The following STAT3 variants were observed in gnomAD, a reference collection of about 807,000 sequenced individuals.
STAT3 encodes DNA-binding protein APRF.
A neutral mutation model predicts 114.3 loss-of-function variants in STAT3; 7 were observed. That is an observed-to-expected ratio of 0.06 (90% CI 0.03 to 0.11). The LOEUF is 0.11. Ranked by LOEUF, STAT3 falls within the 10% of genes least tolerant of loss-of-function variation. The pLI, the probability that STAT3 is intolerant of heterozygous loss-of-function variation, is 1.00. For synonymous variants in STAT3, 331 were observed against 354.5 expected (o/e 0.93, Z 0.74); for missense variants, 364 against 960.9 (o/e 0.38, Z 8.21).
At position 42,378,947 on chromosome 17, in the gene STAT3, G is replaced by A. The variant is rs143525561; in HGVS notation, c.-24+9332C>T. Among the ~76,000 whole-genome samples, 660 of 152,304 alleles carry A rather than the reference G, an allele frequency of 4.3e-3. 2 individuals are homozygous for A. The highest frequency in any genetic ancestry group is 0.015 in the African/African-American group (630 of 41,562). On this transcript the variant is annotated intron_variant, in intron 1 of 23. Transcript: ENST00000264657. ...TTAGGAAGCTTTCACCGAAGCAGGT[G>A]CTCAAGTTCAGACTCAAATCTTCCA... is the stretch of plus-strand genomic sequence containing the variant.
In STAT3 at chr17:42,324,895, T is replaced by C. The variant is rs1446023550; in HGVS notation, c.1465-49A>G. On this transcript the variant is annotated intron_variant, in intron 16 of 23. Transcript: ENST00000264657. The surrounding 1 kb of genome is among the most constrained non-coding windows in gnomAD (Gnocchi z 4.5). ...TGTTTAGATGAGGGATGGTGCTCAT[T>C]GTCTATACTAGGTACCCCTAAGTCG... 1.9e-6 allele frequency: 3 copies of C among 1,614,146 alleles called. No homozygotes were observed. The highest frequency in any genetic ancestry group is 1.3e-5 in the African/African-American group (1 of 75,030).
chr17:42,345,521 C>A, intron 4 of STAT3, 38 bp downstream of exon 4: 1 of 1,540,880 alleles, frequency 6.5e-7, no homozygotes. Flanking sequence ...ATTTTCCATT[C>A]CTCCCAGACC....
intron 4 of STAT3, among the ~76,000 whole-genome samples, chr17:42,341,752 A>C (rs2082451923): frequency 6.6e-6 from 1 of 151,982 alleles, no homozygotes; most frequent in Non-Finnish European, 1.5e-5. Flanking sequence ...GAGGGTAAAT[A>C]TTTTTGGTTT....
At chr17:42,381,731 C>CAAA (rs398038044) in intron 1 of STAT3, among the ~76,000 whole-genome samples, 1 of 57,746 alleles carries the variant, frequency 1.7e-5, no homozygotes, top group African/African-American at 5.4e-5. Flanking sequence ...GACTCCATCT[C>CAAA]AAAAAAAAAA....
intron 5 of STAT3, 67 bp from the exon 6 acceptor site, chr17:42,338,879 A>T: frequency 7.0e-7 from 1 of 1,423,120 alleles, no homozygotes; most frequent in Non-Finnish European, 9.8e-7. Flanking sequence ...GAAAATATAA[A>T]GTTTCTGAGG....
At chr17:42,388,019 C>T in intron 1 of STAT3, 1 of 392,652 alleles carries the variant, frequency 2.5e-6, no homozygotes, top group East Asian at 3.9e-5. Context: ...CGAGTGCGCC[C>T]TCGCCCCACG....
chr17:42,329,601 T>C lies in STAT3; in HGVS notation c.1186A>G (p.Met396Val), dbSNP rs2144773460. The change falls in exon 13 of 24, where the codon ATG becomes GTG. Residue 396 changes from methionine (M) to valine (V), a missense_variant. By Grantham distance (21) the Met-to-Val change is conservative (BLOSUM62 1). Around this residue, in one of 5 missense-constraint regions of STAT3, gnomAD observed 294 missense variants for 745.1 expected, o/e 0.39. Coordinates refer to ENST00000264657, the MANE Select transcript of STAT3 (RefSeq NM_139276.3). The part of the protein sequence containing the change: ...ILGTNTKVMN[M>V]EESNNGSLSA... Reference sequence around the variant, plus strand: ...AGGCTGCCGTTGTTGGATTCTTCCATGTTCATCACTTTTGTGTTTGTGCCC... The same window carrying C: ...AGGCTGCCGTTGTTGGATTCTTCCACGTTCATCACTTTTGTGTTTGTGCCC... The C allele has an allele frequency of 6.2e-7, 1 of 1,614,254 alleles. No individual in the cohort carries two copies. The highest frequency in any genetic ancestry group is 8.5e-7 in the Non-Finnish European group (1 of 1,180,044).
intron 14 of STAT3, 75 bp downstream of exon 14, chr17:42,329,335 G>A: frequency 6.3e-7 from 1 of 1,594,100 alleles, no homozygotes. Context: ...TAATTCTGGG[G>A]ATTAAGAAGG....
At chr17:42,335,828 A>C (rs1280335621) in intron 8 of STAT3, among the ~76,000 whole-genome samples, 10 of 152,150 alleles carry the variant, frequency 6.6e-5, no homozygotes. Context: ...ATGCCACTGC[A>C]CTCTAACCTG....
intron 1 of STAT3, among the ~76,000 whole-genome samples, chr17:42,367,486 T>C (rs914700851): frequency 3.9e-5 from 6 of 152,142 alleles, no homozygotes; most frequent in Admixed American, 1.3e-4. Flanking sequence ...ACTCTCCCCT[T>C]GCTCACAGCT....
At chr17:42,345,696 G>C in intron 3 of STAT3, 39 bp from the exon 4 acceptor site, 1 of 1,538,266 alleles carries the variant, frequency 6.5e-7, no homozygotes, top group Non-Finnish European at 8.9e-7. Context: ...ATCAGCAGCA[G>C]ACCATGGAGA....
At chr17:42,368,214 T>A (rs1022610533) in intron 1 of STAT3, among the ~76,000 whole-genome samples, 1 of 151,920 alleles carries the variant, frequency 6.6e-6, no homozygotes, top group Non-Finnish European at 1.5e-5. Flanking sequence ...AGAAAAAAAA[T>A]AAATAAACAA....
rs964114674 is a variant in STAT3, at chr17:42,319,449, T to C, written c.2102-2225A>G. Among the ~76,000 whole-genome samples the C allele has an allele frequency of 3.8e-5, 5 of 130,260 alleles. No individual in the cohort carries two copies. The South Asian group carries it at 1.2e-3, about 30-fold the overall frequency. The allele number at this position is 130,260 out of a possible 152,430, so 85.5% of individuals were successfully genotyped here. A position where few individuals can be genotyped will look rare whatever the true frequency, so the allele number is the denominator to read the frequency against. ...CCCAGCTACTCAGGAGGCTGAGGTA[T>C]GAGAATCTCTTGAACCTGGGAGGCA... is the stretch of plus-strand genomic sequence containing the variant. On this transcript the variant is annotated intron_variant, in intron 21 of 23. Coordinates refer to ENST00000264657, the MANE Select transcript of STAT3 (RefSeq NM_139276.3).
At chr17:42,385,147 T>C (rs78734894) in intron 1 of STAT3, among the ~76,000 whole-genome samples, 9,318 of 152,254 alleles carry the variant, frequency 0.061, 347 homozygotes, top group Non-Finnish European at 0.074. Context: ...GCTCCCCCAG[T>C]AGACTGCAAT....
At chr17:42,336,807 T>C (rs1403198156) in intron 8 of STAT3, among the ~76,000 whole-genome samples, 1 of 152,070 alleles carries the variant, frequency 6.6e-6, no homozygotes, top group African/African-American at 2.4e-5. Flanking sequence ...AAAAAGGGCA[T>C]GTGTCATTTT....
rs748180243 is a variant in STAT3, at chr17:42,326,149, C to T, written c.1332G>A (p.Glu444=). ...CAATCTTGAGGCCTTGGTGATACAC[C>T]TCGGTCTCAAAGGTGATCAGGTGCA... ...EELHLITFET[E]VYHQGLKIDL... Residue 444 remains glutamate, a synonymous_variant, in exon 15 of 24, where the codon GAG becomes GAA. Transcript: ENST00000264657. 3 of 1,614,016 alleles carry T rather than the reference C, an allele frequency of 1.9e-6. No homozygotes were observed. Among genetic ancestry groups the T allele is most frequent in the East Asian group, 2.2e-5 (1 of 44,868 alleles).
chr17:42,317,134 CT>C (rs2081285387), intron 22 of STAT3, 47 bp downstream of exon 22: 1 of 1,612,900 alleles, frequency 6.2e-7, no homozygotes, highest in African/African-American at 1.3e-5. Context: ...CCAGGGATAA[CT>C]GAGGATATTA....
chr17:42,344,674 G>A (rs1316395914), intron 4 of STAT3, among the ~76,000 whole-genome samples: 1 of 148,324 alleles, frequency 6.7e-6, no homozygotes, highest in South Asian at 2.2e-4. Context: ...AGCTAAGATG[G>A]CACCACTGCA....
rs2081618814 is a variant in STAT3 at position 42,324,516 on chromosome 17, A to T, written c.1600+195T>A. ...TCTACCTCCCACCTCAAAAATGATC[A>T]CCTCGACTGAAAACTGCAAACTGTC... On this transcript the variant is annotated intron_variant, in intron 17 of 23. Coordinates refer to ENST00000264657, the MANE Select transcript of STAT3 (RefSeq NM_139276.3). This position sits in a 1 kb window ranked among gnomAD's most constrained non-coding sequence, Gnocchi z 4.5. 6.6e-6 allele frequency among the ~76,000 whole-genome samples: 1 copy of T among 151,972 alleles called. No individual in the cohort carries two copies. Among genetic ancestry groups the T allele is most frequent in the Non-Finnish European group, 1.5e-5 (1 of 68,006 alleles).
Sources: allele counts gnomAD v4.1 joint callset (sites outside exome capture counted in the v4.1 genomes callset), GRCh38; gene constraint gnomAD v4.1.1; regional missense constraint gnomAD v4.1.1; non-coding constraint Gnocchi (gnomAD v3.1); transcripts MANE v1.5; gene names NCBI Gene and HGNC (gene_info 2026-07-23, HGNC 2026-07-21).